Variants in CEP76 observed in about 807,000 individuals in gnomAD.
CEP76 encodes centrosomal protein 76.
A neutral mutation model predicts 83.3 loss-of-function variants in CEP76; 55 were observed. That is an observed-to-expected ratio of 0.66 (90% CI 0.53 to 0.83). The LOEUF (loss-of-function observed/expected upper bound fraction) is 0.83, where lower values mean the gene tolerates loss of function less well. CEP76 is among the 40% of genes least tolerant of loss of function. CEP76 has a pLI of 0.00. For missense variants in CEP76, 694 were observed against 799.5 expected, an observed-to-expected ratio of 0.87 and a Z score of 1.59; for synonymous variants, 270 against 274.5, an observed-to-expected ratio of 0.98 and a Z score of 0.16.
In CEP76 at chr18:12,702,654, C is replaced by A; in HGVS notation, c.-106G>T. 1 of 1,293,534 alleles carries A rather than the reference C, an allele frequency of 7.7e-7. No individual in the cohort carries two copies. Among genetic ancestry groups the A allele is most frequent in the Non-Finnish European group, 1.0e-6 (1 of 955,118 alleles). 80.1% of individuals were successfully genotyped at this position (1,293,534 alleles called of 1,614,324 possible). On this transcript the variant is annotated 5_prime_UTR_variant, in exon 1 of 12. Transcript: ENST00000262127. ...TAGGAGCGACTGGAGCACAAAGCGC[C>A]GCAGCCGTTCGCCTAGCGCAGCTCC...
Position 12,673,334 on chromosome 18 carries a change from C to T in CEP76, c.*31G>A. 1 of 1,569,972 alleles carries T rather than the reference C, an allele frequency of 6.4e-7. No homozygotes were observed. The highest frequency in any genetic ancestry group is 8.6e-7 in the Non-Finnish European group (1 of 1,166,038). Reference sequence around the variant, plus strand: ...TACAATGTGTAAAATTCCAATTAAACACAGGTATAAATCTTATATAAATAT... The same window carrying T: ...TACAATGTGTAAAATTCCAATTAAATACAGGTATAAATCTTATATAAATAT... On this transcript the variant is annotated 3_prime_UTR_variant, in exon 12 of 12. Transcript: ENST00000262127.
Position 12,673,267 on chromosome 18 carries a change from T to C in CEP76, c.*98A>G. ...ATTGAAGTATGCCATTCAAGCCAGA[T>C]TGTGATTTTAAAATAACAAACCTCT... On this transcript the variant is annotated 3_prime_UTR_variant, in exon 12 of 12. Coordinates refer to ENST00000262127, the MANE Select transcript of CEP76 (RefSeq NM_024899.4). 1 of 1,478,642 alleles carries C rather than the reference T, an allele frequency of 6.8e-7. No homozygotes were observed. Among genetic ancestry groups the C allele is most frequent in the Non-Finnish European group, 8.9e-7 (1 of 1,120,692 alleles). The allele number at this position is 1,478,642 out of a possible 1,614,324, so 91.6% of individuals were successfully genotyped here.
At chr18:12,672,082 T>A (rs1042051786), downstream of CEP76, among the ~76,000 whole-genome samples, 2 of 151,102 alleles carry the variant, frequency 1.3e-5, no homozygotes, top group African/African-American at 4.9e-5. Flanking sequence ...CCTCCCAAAG[T>A]GCTGGCATTA....
At position 12,683,186 on chromosome 18, in the gene CEP76, CAAAA is replaced by C. The variant is rs765652085; in HGVS notation, c.1123-2362_1123-2359del. On this transcript the variant is annotated intron_variant, in intron 8 of 11. Transcript: ENST00000262127. Reference sequence around the variant, plus strand: ...GAAACCCCATCTCTACTAAAAATACCAAAAAAAAAAAAAAAAAAGCCAGGCATGG... The same window carrying C: ...GAAACCCCATCTCTACTAAAAATACCAAAAAAAAAAAAAAGCCAGGCATGG... Among the ~76,000 whole-genome samples, 65 of 63,678 alleles carry C rather than the reference CAAAA, an allele frequency of 1.0e-3. 2 individuals are homozygous for C. The highest frequency in any genetic ancestry group is 3.5e-3 in the African/African-American group (59 of 17,004). The allele number at this position is 63,678 out of a possible 152,430, so 41.8% of individuals were successfully genotyped here. A position where few individuals can be genotyped will look rare whatever the true frequency, so the allele number is the denominator to read the frequency against.
At chr18:12,667,970 T>C (rs1342904295), downstream of CEP76, among the ~76,000 whole-genome samples, 1 of 149,458 alleles carries the variant, frequency 6.7e-6, no homozygotes, top group Non-Finnish European at 1.5e-5. Flanking sequence ...ATAATAACAT[T>C]AAATGTGAAT....
chr18:12,666,451 T>A (rs953575928), intron 12 of CEP76, among the ~76,000 whole-genome samples: 4 of 149,550 alleles, frequency 2.7e-5, no homozygotes, highest in African/African-American at 1.0e-4. Context: ...TTTTTTTTTT[T>A]TTTTGTGAGG....
intron 5 of CEP76, among the ~76,000 whole-genome samples, chr18:12,696,006 C>G (rs1411798605): frequency 3.9e-5 from 6 of 152,038 alleles, no homozygotes; most frequent in African/African-American, 2.4e-5. Flanking sequence ...AACTAGAAAA[C>G]AAATATACTT....
At position 12,674,562 on chromosome 18, in the gene CEP76, T is replaced by C. The variant is rs2039054046; in HGVS notation, c.1815A>G (p.Ala605=). The C allele has an allele frequency of 1.2e-6, 2 of 1,613,964 alleles. No individual in the cohort carries two copies. The highest frequency in any genetic ancestry group is 3.3e-4 in the Middle Eastern group (2 of 6,062). ...GAAGACATGTGGCAAATGCACGTCT[T>C]GCATTTCTATACACAAAATGTATTG... ...GFPIHFVYRN[A]RRAFATCLRS... Residue 605 remains alanine (A), a synonymous_variant, in exon 11 of 12, where the codon GCA becomes GCG. Coordinates refer to ENST00000262127, the MANE Select transcript of CEP76 (RefSeq NM_024899.4).
chr18:12,675,421 TAAA>T (rs1386989474), intron 10 of CEP76, among the ~76,000 whole-genome samples: 1 of 151,618 alleles, frequency 6.6e-6, no homozygotes, highest in Non-Finnish European at 1.5e-5. Flanking sequence ...ATAAAATAAA[TAAA>T]AAAGAGTTTA....
chr18:12,680,358 G>T (rs1258257845), intron 9 of CEP76, among the ~76,000 whole-genome samples: 2 of 152,080 alleles, frequency 1.3e-5, no homozygotes, highest in Non-Finnish European at 2.9e-5. Flanking sequence ...CACTTTGGGA[G>T]GCTGAGGTAG....
chr18:12,663,915 A>AG lies in CEP76; in HGVS notation c.*1728-1747dup, dbSNP rs1408537445. Among the ~76,000 whole-genome samples, 482 of 152,332 alleles carry AG rather than the reference A, an allele frequency of 3.2e-3. 1 individual carries two copies. Among genetic ancestry groups the AG allele is most frequent in the African/African-American group, 0.011 (459 of 41,576 alleles). ...CACAGTGGTTTATGCCTGTAATCCCAGCACTTTGGGAGGTTGAGGCAGGCA... is the reference window on the plus strand; with the variant it reads ...CACAGTGGTTTATGCCTGTAATCCCAGGCACTTTGGGAGGTTGAGGCAGGCA... On this transcript the variant is annotated intron_variant and NMD_transcript_variant, in intron 12 of 12. Transcript: ENST00000590143.
chr18:12,665,203 AG>A (rs1264703445), intron 12 of CEP76: 2 of 152,184 alleles, frequency 1.3e-5, no homozygotes, highest in Non-Finnish European at 2.9e-5. Context: ...TAATGAATTC[AG>A]CACATTCCAG....
chr18:12,670,466 A>T (rs1303605852), downstream of CEP76: 1 of 152,216 alleles, frequency 6.6e-6, no homozygotes, highest in Non-Finnish European at 1.5e-5. Flanking sequence ...GTTTACACCA[A>T]AAGCACATTT....
Position 12,674,738 on chromosome 18 carries a change from T to G in CEP76, c.1639A>C (p.Thr547Pro). The change falls in exon 11 of 12, where the codon ACT becomes CCT. Residue 547 changes from threonine to proline, a missense_variant. By Grantham distance (38) the Thr-to-Pro change is conservative. Coordinates refer to ENST00000262127, the MANE Select transcript of CEP76 (RefSeq NM_024899.4). ...TAGGAGAGCTGGTCTTCCCAAACAG[T>G]AGTGAGGCCAAGATCCTATGAGCAA... ...SEHRKDLGLT[T>P]VWEDQLSYLL... 6.2e-7 allele frequency: 1 copy of G among 1,613,356 alleles called. No homozygotes were observed. Among genetic ancestry groups the G allele is most frequent in the Non-Finnish European group, 8.5e-7 (1 of 1,179,534 alleles).
intron 10 of CEP76, among the ~76,000 whole-genome samples, chr18:12,677,839 A>C (rs775697524): frequency 6.6e-6 from 1 of 152,148 alleles, no homozygotes; most frequent in Non-Finnish European, 1.5e-5. Flanking sequence ...TTCAGCAAAA[A>C]TCTTGACTCT....
At position 12,673,052 on chromosome 18, in the gene CEP76, TAAAGA is replaced by T; in HGVS notation, c.*308_*312del. 9.8e-7 allele frequency: 1 copy of T among 1,021,418 alleles called. No individual in the cohort carries two copies. The highest frequency in any genetic ancestry group is 9.6e-5 in the East Asian group (1 of 10,390). 63.3% of individuals were successfully genotyped at this position (1,021,418 alleles called of 1,614,324 possible). A position where few individuals can be genotyped will look rare whatever the true frequency, so the allele number is the denominator to read the frequency against. ...ACATCTCTTTGATTACCTGTTTGTG[TAAAGA>T]AAACTGAATGCATTTTATATTAATA... On this transcript the variant is annotated 3_prime_UTR_variant, in exon 12 of 12. Coordinates refer to ENST00000262127, the MANE Select transcript of CEP76 (RefSeq NM_024899.4).
At chr18:12,679,854 G>T (rs2145010602) in intron 9 of CEP76, among the ~76,000 whole-genome samples, 1 of 152,080 alleles carries the variant, frequency 6.6e-6, no homozygotes, top group Non-Finnish European at 1.5e-5. Context: ...CTTGAGCCCA[G>T]GAGTTCAAGA....
Position 12,691,487 on chromosome 18 carries a change from G to T in CEP76, c.805C>A (p.Leu269Ile). Reference sequence around the variant, plus strand: ...GCAGTTTTCTGACGTTCCAAAGCAAGCTTGAAATTGAAAAAAATATTTTTC... The same window carrying T: ...GCAGTTTTCTGACGTTCCAAAGCAATCTTGAAATTGAAAAAAATATTTTTC... ...TLSQEVVNTQ[L>I]ALERQKTAEK... The change falls in exon 7 of 12, where the codon CTT becomes ATT. Residue 269 changes from leucine to isoleucine, a missense_variant and splice_region_variant. Leu to Ile is a conservative substitution (Grantham distance 5). Transcript: ENST00000262127. 6.3e-7 allele frequency: 1 copy of T among 1,576,918 alleles called. No homozygotes were observed. Among genetic ancestry groups the T allele is most frequent in the Non-Finnish European group, 8.6e-7 (1 of 1,166,018 alleles).
intron 7 of CEP76, 52 bp downstream of exon 7, chr18:12,691,300 CACACATA>C: frequency 9.5e-7 from 1 of 1,051,518 alleles, no homozygotes; most frequent in Non-Finnish European, 1.4e-6. Context: ...ATGAAATTTA[CACACATA>C]ACAGTAAATC....
Sources: allele counts gnomAD v4.1 joint callset (sites outside exome capture counted in the v4.1 genomes callset), GRCh38; gene constraint gnomAD v4.1.1; transcripts MANE v1.5; gene names NCBI Gene and HGNC (gene_info 2026-07-23, HGNC 2026-07-21).